Variants in BRSK2 observed in about 807,000 individuals in gnomAD.
The protein encoded by BRSK2 is serine/threonine-protein kinase BRSK2.
In BRSK2, 19 loss-of-function variants were observed where a neutral mutation model predicts 83.3. The observed-to-expected ratio is 0.23, with a 90% CI of 0.16 to 0.33. The LOEUF is 0.33. Among genes scored for constraint, BRSK2 ranks in the 10% least tolerant of loss-of-function variants. BRSK2 has a pLI of 1.00. For missense variants in BRSK2, 798 were observed against 1,042.3 expected (o/e 0.77, Z 3.23); for synonymous variants, 519 against 435.4 (o/e 1.19, Z -2.39).
At chr11:1,397,744 C>T (rs1846215260) in intron 1 of BRSK2, among the ~76,000 whole-genome samples, 1 of 152,188 alleles carries the variant, frequency 6.6e-6, no homozygotes, top group Admixed American at 6.5e-5. Flanking sequence ...CCTGGGGGTA[C>T]CATCCTATGA....
chr11:1,442,188 C>A (rs545078822), intron 4 of BRSK2, among the ~76,000 whole-genome samples: 2 of 151,836 alleles, frequency 1.3e-5, no homozygotes, highest in South Asian at 4.2e-4. Context: ...GCCTGGGGGC[C>A]CTAGGTTGGT....
At chr11:1,392,318 C>G (rs1450148464) in intron 1 of BRSK2, among the ~76,000 whole-genome samples, 1 of 152,266 alleles carries the variant, frequency 6.6e-6, no homozygotes, top group Non-Finnish European at 1.5e-5. Flanking sequence ...CGAGGACGAT[C>G]TGATCCTGCC....
intron 15 of BRSK2, among the ~76,000 whole-genome samples, chr11:1,452,300 G>A (rs920582000): frequency 1.3e-5 from 2 of 152,218 alleles, no homozygotes; most frequent in Non-Finnish European, 2.9e-5. Context: ...TTTCTGCGCC[G>A]ATCAGGTGGC....
chr11:1,450,018 C>CTTTTG (rs934043276), intron 13 of BRSK2, among the ~76,000 whole-genome samples, 182 bp downstream of exon 13: 7 of 152,160 alleles, frequency 4.6e-5, no homozygotes, highest in African/African-American at 1.2e-4. Flanking sequence ...ACTGCACGCT[C>CTTTTG]TTTTGTTTTG....
chr11:1,449,544 CATGGGGTGGCCCCCACACGTGGGCTCTG>C (rs1285636377), intron 12 of BRSK2, among the ~76,000 whole-genome samples: 7 of 152,156 alleles, frequency 4.6e-5, no homozygotes, highest in African/African-American at 1.7e-4. Context: ...GGGCTGCTGG[CATGGGGTGGCCCCCACACGTGGGCTCTG>C]ATGGGGGCCC....
At chr11:1,440,026 A>G (rs1850979590) in intron 3 of BRSK2, among the ~76,000 whole-genome samples, 2 of 152,164 alleles carry the variant, frequency 1.3e-5, no homozygotes, top group African/African-American at 2.4e-5. Context: ...GCATGCACCA[A>G]GGTGCCACCC....
At chr11:1,394,027 A>C (rs868732588) in intron 1 of BRSK2, among the ~76,000 whole-genome samples, 88 of 103,582 alleles carry the variant, frequency 8.5e-4, no homozygotes, top group African/African-American at 2.9e-3. Flanking sequence ...GAGATGGGCC[A>C]TGGAGATGGG....
chr11:1,433,615 G>T (rs1849878726), intron 1 of BRSK2, among the ~76,000 whole-genome samples: 1 of 152,204 alleles, frequency 6.6e-6, no homozygotes, highest in Non-Finnish European at 1.5e-5. Context: ...TTCCTGCAGG[G>T]ACCCCTGCCC....
chr11:1,451,025 C>G (rs547760491), intron 14 of BRSK2, among the ~76,000 whole-genome samples: 3 of 152,374 alleles, frequency 2.0e-5, no homozygotes, highest in African/African-American at 7.2e-5. Context: ...TCTACCCACT[C>G]TGTGTCCTGG....
intron 1 of BRSK2, among the ~76,000 whole-genome samples, chr11:1,434,618 G>A (rs1850044737): frequency 1.4e-5 from 2 of 142,842 alleles, no homozygotes; most frequent in African/African-American, 5.4e-5. Flanking sequence ...AACCTGGGCC[G>A]GCTCTGGGTG....
At chr11:1,434,042 G>A (rs1849943316) in intron 1 of BRSK2, among the ~76,000 whole-genome samples, 1 of 152,238 alleles carries the variant, frequency 6.6e-6, no homozygotes, top group Admixed American at 6.5e-5. Context: ...GGTTTGACGC[G>A]TGAGACAAAG....
In BRSK2 at chr11:1,445,641, G is replaced by A; in HGVS notation, c.1048G>A (p.Glu350Lys). The change falls in exon 11 of 20, where the codon GAG becomes AAG. Residue 350 changes from glutamate (E) to lysine (K), a missense_variant. Physicochemically the swap from Glu to Lys is moderately conservative, Grantham distance 56. This residue lies in a region of BRSK2 where 145 missense variants were observed against 225.4 expected (regional missense o/e 0.64). Transcript: ENST00000528841. ...AGAAAGGTACCCGAGCCAGGAGGAT[G>A]AGGACCTGCCCCCCCGGAACGAGAT... ...RKERYPSQED[E>K]DLPPRNEIDP... 1 of 1,589,502 alleles carries A rather than the reference G, an allele frequency of 6.3e-7. No individual in the cohort carries two copies. The highest frequency in any genetic ancestry group is 8.6e-7 in the Non-Finnish European group (1 of 1,168,336).
At chr11:1,455,601 C>A (rs1846411400) in intron 16 of BRSK2, among the ~76,000 whole-genome samples, 1 of 152,046 alleles carries the variant, frequency 6.6e-6, no homozygotes, top group African/African-American at 2.4e-5. Flanking sequence ...CTGGGCAGGG[C>A]AGGCCTCAGA....
intron 8 of BRSK2, 38 bp from the exon 9 acceptor site, chr11:1,444,933 C>G: frequency 6.2e-7 from 1 of 1,602,168 alleles, no homozygotes; most frequent in Non-Finnish European, 8.5e-7. Flanking sequence ...CTTTCCGTCC[C>G]TCGTCCGTAC....
intron 12 of BRSK2, among the ~76,000 whole-genome samples, chr11:1,449,483 C>T (rs1845539417): frequency 6.6e-6 from 1 of 152,214 alleles, no homozygotes; most frequent in Admixed American, 6.5e-5. Context: ...CACCCCCACG[C>T]TGGATGGTCC....
rs180930974 is a variant in BRSK2 at position 1,433,662 on chromosome 11, C to T, written c.92-2378C>T. ...CCAGCCTCGTGCCTGGGGAGGGATG[C>T]GCTGTGGGCGCCTCCAGCCGCCCTG... On this transcript the variant is annotated intron_variant, in intron 1 of 19. Coordinates refer to ENST00000528841, the MANE Select transcript of BRSK2 (RefSeq NM_001256627.2). 4.6e-5 allele frequency among the ~76,000 whole-genome samples: 7 copies of T among 152,374 alleles called. No homozygotes were observed. The East Asian group carries it at 7.7e-4, about 17-fold the overall frequency.
intron 1 of BRSK2, among the ~76,000 whole-genome samples, chr11:1,422,373 G>A (rs1009616721): frequency 2.6e-5 from 4 of 152,146 alleles, no homozygotes; most frequent in East Asian, 3.9e-4. Flanking sequence ...TCTGGGGAGG[G>A]GTGGGGGTCC....
At chr11:1,394,612 A>G (rs1845942966) in intron 1 of BRSK2, among the ~76,000 whole-genome samples, 1 of 78,646 alleles carries the variant, frequency 1.3e-5, no homozygotes, top group Non-Finnish European at 2.5e-5. Context: ...GGCCATGGAG[A>G]TGGGTCCTGG....
At chr11:1,446,075 G>T (rs913963593) in intron 12 of BRSK2, among the ~76,000 whole-genome samples, 168 bp downstream of exon 12, 31 of 106,568 alleles carry the variant, frequency 2.9e-4, no homozygotes, top group Admixed American at 2.0e-3. Context: ...GGGCTTGGCT[G>T]GGCTGGGCTG....
Sources: gnomAD v4.1 joint callset for allele counts (sites outside exome capture counted in the v4.1 genomes callset) on GRCh38, gnomAD v4.1.1 for gene constraint, gnomAD v4.1.1 regional missense constraint, MANE v1.5 for transcripts, NCBI Gene and HGNC (gene_info 2026-07-23, HGNC 2026-07-21) for gene names.